The following BICD1 variants were observed in gnomAD, a reference collection of about 807,000 sequenced individuals.
BICD1 encodes the protein protein bicaudal D homolog 1.
BICD1 carries 35 observed loss-of-function variants against 92.5 expected under a neutral mutation model. That is an observed-to-expected ratio of 0.38 (90% confidence interval 0.29 to 0.50). The LOEUF (loss-of-function observed/expected upper bound fraction) is 0.50. Among genes scored for constraint, BICD1 ranks in the 20% least tolerant of loss-of-function variants. BICD1 has a pLI of 0.93. For missense variants in BICD1, 950 were observed against 1,189.8 expected (o/e 0.80, Z 2.97); for synonymous variants, 429 against 465.1 (o/e 0.92, Z 1.00).
chr12:32,359,320 A>G (rs1302737928), intron 8 of BICD1, among the ~76,000 whole-genome samples: 1 of 152,170 alleles, frequency 6.6e-6, no homozygotes, highest in Non-Finnish European at 1.5e-5. Context: ...TGGGTGATTT[A>G]TAAAGAAAAG....
At chr12:32,293,662 C>CCGGAA (rs1947783124) in intron 2 of BICD1, among the ~76,000 whole-genome samples, 1 of 152,148 alleles carries the variant, frequency 6.6e-6, no homozygotes, top group African/African-American at 2.4e-5. Context: ...TTATAATGTT[C>CCGGAA]CGTTCAATGG....
At position 32,126,752 on chromosome 12, in the gene BICD1, ACT is replaced by A. The variant is rs533254841; in HGVS notation, c.213+19211_213+19212del. 3.0e-3 allele frequency among the ~76,000 whole-genome samples: 459 copies of A among 152,020 alleles called. 2 individuals are homozygous for A. Among genetic ancestry groups the A allele is most frequent in the African/African-American group, 0.011 (446 of 41,430 alleles). Reference sequence around the variant, plus strand: ...ACTCTAGCCTGGGCGACAGAGTGAGACTCTGTTTAAAAAAAAAGAAAAAGACC... The same window carrying A: ...ACTCTAGCCTGGGCGACAGAGTGAGACTGTTTAAAAAAAAAGAAAAAGACC... On this transcript the variant is annotated intron_variant, in intron 1 of 9. Transcript: ENST00000652176.
At chr12:32,261,237 T>TA (rs113556449) in intron 2 of BICD1, among the ~76,000 whole-genome samples, 31,226 of 152,142 alleles carry the variant, frequency 0.21, 4,408 homozygotes, top group African/African-American at 0.4. Context: ...ATCCAAAACT[T>TA]ACAAAAATTT....
In BICD1 at chr12:32,380,786, TTAGTC is replaced by T. The variant is rs1204140777; in HGVS notation, c.*3162_*3166del. ...AAAAGACCTATTTAGAAATTATACT[TTAGTC>T]TAACGAAGAGGAGGTACAATAGTAG... On this transcript the variant is annotated 3_prime_UTR_variant, in exon 10 of 10. Transcript: ENST00000652176. The T allele has an allele frequency of 6.6e-6, 1 of 152,100 alleles. No individual in the cohort carries two copies. The highest frequency in any genetic ancestry group is 2.4e-5 in the African/African-American group (1 of 41,448). The allele number at this position is 152,100 out of a possible 1,614,324, so 9.4% of individuals were successfully genotyped here.
Position 32,197,979 on chromosome 12 carries a change from G to T in BICD1, c.214-18268G>T, listed in dbSNP as rs144506532. On this transcript the variant is annotated intron_variant, in intron 1 of 9. Transcript: ENST00000652176. ...CCAGCATTTTGGGAGGCCAAGGCGG[G>T]TGGATCACCTGAAGTGGGGAGTTCG... Among the ~76,000 whole-genome samples the T allele has an allele frequency of 5.2e-4, 79 of 152,268 alleles. No individual in the cohort carries two copies. In the East Asian group the frequency reaches 0.015, roughly 28 times the overall value.
chr12:32,347,807 G>A (rs543362010), intron 8 of BICD1, among the ~76,000 whole-genome samples: 3 of 151,840 alleles, frequency 2.0e-5, no homozygotes, highest in Non-Finnish European at 4.4e-5. Context: ...TTTAATTACC[G>A]TAATGAAGTT....
At chr12:32,215,187 C>G (rs1223812731) in intron 1 of BICD1, among the ~76,000 whole-genome samples, 2 of 151,632 alleles carry the variant, frequency 1.3e-5, no homozygotes, top group East Asian at 3.9e-4. Flanking sequence ...CGAGATCATA[C>G]CACTGCATTC....
chr12:32,107,563 C>T lies in BICD1; in HGVS notation c.213+19C>T, dbSNP rs1288185111. 2 of 1,560,140 alleles carry T rather than the reference C, an allele frequency of 1.3e-6. No homozygotes were observed. Among genetic ancestry groups the T allele is most frequent in the African/African-American group, 1.4e-5 (1 of 73,914 alleles). ...CAAAGAGGTGAGTTGCCTGTCACCTCTCCCTTTCCTGGCCCTCACTCCCCC... is the reference window on the plus strand; with the variant it reads ...CAAAGAGGTGAGTTGCCTGTCACCTTTCCCTTTCCTGGCCCTCACTCCCCC... On this transcript the variant is annotated intron_variant, in intron 1 of 9. Transcript: ENST00000652176.
At chr12:32,345,331 T>C (rs919186589) in intron 8 of BICD1, among the ~76,000 whole-genome samples, 5 of 150,962 alleles carry the variant, frequency 3.3e-5, no homozygotes, top group Admixed American at 6.6e-5. Context: ...GTCAACCACA[T>C]GTTGAGAAAT....
chr12:32,260,026 G>A (rs1229307953), intron 2 of BICD1, among the ~76,000 whole-genome samples: 1 of 151,560 alleles, frequency 6.6e-6, no homozygotes, highest in African/African-American at 2.4e-5. Flanking sequence ...CCGGGTTCAA[G>A]TGATTCTCCT....
chr12:32,131,847 G>T (rs148852935), intron 1 of BICD1, among the ~76,000 whole-genome samples: 1 of 152,176 alleles, frequency 6.6e-6, no homozygotes, highest in Non-Finnish European at 1.5e-5. Context: ...ACACACTTGT[G>T]GGGGAGAAAG....
At chr12:32,370,292 G>A (rs1328911256) in intron 9 of BICD1, among the ~76,000 whole-genome samples, 1 of 151,924 alleles carries the variant, frequency 6.6e-6, no homozygotes, top group African/African-American at 2.4e-5. Flanking sequence ...ACTTGAACCT[G>A]GGAGGCGGAG....
intron 2 of BICD1, among the ~76,000 whole-genome samples, chr12:32,286,735 G>T (rs79836895): frequency 0.12 from 18,832 of 151,956 alleles, 1,264 homozygotes; most frequent in East Asian, 0.21. Context: ...TATATTTTTT[G>T]GGGGATTAAT....
chr12:32,219,508 A>T (rs1440904801), intron 2 of BICD1, among the ~76,000 whole-genome samples: 1 of 152,210 alleles, frequency 6.6e-6, no homozygotes, highest in Non-Finnish European at 1.5e-5. Context: ...ATACATAAAC[A>T]TAAGCAATTA....
At chr12:32,155,601 T>G (rs1261190377) in intron 1 of BICD1, among the ~76,000 whole-genome samples, 1 of 152,230 alleles carries the variant, frequency 6.6e-6, no homozygotes, top group Admixed American at 6.5e-5. Context: ...AAGAGATCGC[T>G]TTTGTTGCTA....
intron 1 of BICD1, among the ~76,000 whole-genome samples, chr12:32,163,389 T>C (rs944023517): frequency 2.0e-5 from 3 of 152,176 alleles, no homozygotes; most frequent in African/African-American, 7.2e-5. Flanking sequence ...TACATGTTTA[T>C]TGTGGAGAAT....
intron 1 of BICD1, among the ~76,000 whole-genome samples, chr12:32,130,707 A>G (rs1395811221): frequency 6.6e-6 from 1 of 152,130 alleles, no homozygotes; most frequent in Non-Finnish European, 1.5e-5. Flanking sequence ...AACATCTAGT[A>G]TCTCATTTAG....
intron 9 of BICD1, among the ~76,000 whole-genome samples, chr12:32,371,217 A>G (rs1428761384): frequency 6.6e-6 from 1 of 152,180 alleles, no homozygotes; most frequent in Admixed American, 6.5e-5. Context: ...TTCTACCCAC[A>G]TGAATACAGC....
chr12:32,172,383 C>G (rs894845955), intron 1 of BICD1, among the ~76,000 whole-genome samples: 7 of 152,168 alleles, frequency 4.6e-5, no homozygotes, highest in Non-Finnish European at 1.0e-4. Context: ...CTGCTTTGCT[C>G]CCTTACTCTA....
Sources: allele counts gnomAD v4.1 joint callset (sites outside exome capture counted in the v4.1 genomes callset), GRCh38; gene constraint gnomAD v4.1.1; transcripts MANE v1.5; gene names NCBI Gene and HGNC (gene_info 2026-07-23, HGNC 2026-07-21).